Variants in EDAR observed in about 807,000 individuals in gnomAD.
EDAR encodes tumor necrosis factor receptor superfamily member EDAR.
A neutral mutation model predicts 51.3 loss-of-function variants in EDAR; 38 were observed. The observed-to-expected ratio is 0.74, with a 90% CI of 0.57 to 0.97. The LOEUF (loss-of-function observed/expected upper bound fraction) is 0.97. EDAR is among the 50% of genes least tolerant of loss of function. The pLI is 0.00. For missense variants in EDAR, 528 were observed against 595.0 expected (o/e 0.89, Z 1.17); for synonymous variants, 227 against 242.1 (o/e 0.94, Z 0.58).
At chr2:108,959,363 CAGAGA>C (rs1697991632) in intron 1 of EDAR, among the ~76,000 whole-genome samples, 1 of 152,214 alleles carries the variant, frequency 6.6e-6, no homozygotes, top group African/African-American at 2.4e-5. Flanking sequence ...AGACATGCAG[CAGAGA>C]AATCAGAGCT....
At chr2:108,913,824 C>A (rs534632437) in intron 5 of EDAR, among the ~76,000 whole-genome samples, 7 of 151,966 alleles carry the variant, frequency 4.6e-5, no homozygotes, top group African/African-American at 1.7e-4. Context: ...GTGGCAGGCG[C>A]CTGTAGTCCC....
chr2:108,949,699 C>G (rs1202818680), intron 1 of EDAR, among the ~76,000 whole-genome samples: 1 of 152,170 alleles, frequency 6.6e-6, no homozygotes, highest in African/African-American at 2.4e-5. Context: ...ACCAGAGAGG[C>G]CACTGAACCC....
At chr2:108,923,718 G>A (rs1574381546) in intron 4 of EDAR, among the ~76,000 whole-genome samples, 1 of 152,216 alleles carries the variant, frequency 6.6e-6, no homozygotes, top group African/African-American at 2.4e-5. Flanking sequence ...CTCTCTGGTG[G>A]CTGTGTTTAG....
intron 1 of EDAR, among the ~76,000 whole-genome samples, chr2:108,979,467 T>TCA (rs5833308): frequency 1.8e-4 from 27 of 147,224 alleles, no homozygotes; most frequent in Middle Eastern, 3.5e-3. Flanking sequence ...TCTCTCTCTC[T>TCA]CACACACACA....
At chr2:108,904,670 A>G (rs979219205) in intron 11 of EDAR, among the ~76,000 whole-genome samples, 14 of 152,222 alleles carry the variant, frequency 9.2e-5, no homozygotes, top group African/African-American at 3.4e-4. Flanking sequence ...AACAACCTGG[A>G]TGGACCTCCA....
At chr2:108,902,129 C>A (rs956670216) in intron 11 of EDAR, among the ~76,000 whole-genome samples, 7 of 151,754 alleles carry the variant, frequency 4.6e-5, no homozygotes, top group African/African-American at 1.7e-4. Context: ...TCCCAGCTAC[C>A]CAGGAGGCTG....
intron 1 of EDAR, among the ~76,000 whole-genome samples, chr2:108,933,015 G>A (rs892884484): frequency 3.9e-5 from 6 of 152,158 alleles, no homozygotes; most frequent in Admixed American, 2.0e-4. Flanking sequence ...TCCTGGCAGG[G>A]CCTTAAGATG....
chr2:108,985,552 G>A (rs1317456725), intron 1 of EDAR, among the ~76,000 whole-genome samples: 1 of 152,208 alleles, frequency 6.6e-6, no homozygotes, highest in East Asian at 1.9e-4. Context: ...ACATGTGTAC[G>A]TAGGTGTATA....
intron 1 of EDAR, among the ~76,000 whole-genome samples, chr2:108,971,407 T>C (rs1257411887): frequency 6.6e-6 from 1 of 151,774 alleles, no homozygotes. Flanking sequence ...CCCAGGTGAT[T>C]TGCGTGCAAA....
intron 5 of EDAR, among the ~76,000 whole-genome samples, chr2:108,915,914 A>T (rs1377703284): frequency 1.3e-5 from 2 of 152,076 alleles, no homozygotes; most frequent in African/African-American, 4.8e-5. Flanking sequence ...AAAATAAAAA[A>T]TAAATAAAAA....
chr2:108,974,690 A>G (rs1295997314), intron 1 of EDAR, among the ~76,000 whole-genome samples: 1 of 152,132 alleles, frequency 6.6e-6, no homozygotes, highest in Non-Finnish European at 1.5e-5. Flanking sequence ...AGATAGCGCC[A>G]CTGCACTCCA....
chr2:108,945,210 C>G (rs542836232), intron 1 of EDAR, among the ~76,000 whole-genome samples: 1 of 152,192 alleles, frequency 6.6e-6, no homozygotes, highest in Admixed American at 6.5e-5. Context: ...GCGAGCTCCC[C>G]GTCCTGGGGC....
chr2:108,903,507 T>C lies in EDAR; in HGVS notation c.1024+2801A>G, dbSNP rs1696743704. ...AGGACTTATATGTTATTACATAATT[T>C]ATACAAGAATCAAGACCTTGTGGTA... On this transcript the variant is annotated intron_variant, in intron 11 of 11. Transcript: ENST00000258443. 2.0e-5 allele frequency among the ~76,000 whole-genome samples: 3 copies of C among 152,180 alleles called. No individual in the cohort carries two copies. In the South Asian group the frequency reaches 6.2e-4, roughly 31 times the overall value.
At chr2:108,973,659 G>A (rs1481464961) in intron 1 of EDAR, among the ~76,000 whole-genome samples, 1 of 152,190 alleles carries the variant, frequency 6.6e-6, no homozygotes, top group African/African-American at 2.4e-5. Context: ...CAGGGGTCGT[G>A]TGTCCTAGAA....
chr2:108,906,081 A>T (rs1192892026), intron 11 of EDAR, among the ~76,000 whole-genome samples: 1 of 149,404 alleles, frequency 6.7e-6, no homozygotes, highest in African/African-American at 2.6e-5. Flanking sequence ...CTCCCGCCCC[A>T]TGAGGGGAAG....
chr2:108,987,918 A>G (rs992276060), intron 1 of EDAR, among the ~76,000 whole-genome samples: 2 of 152,156 alleles, frequency 1.3e-5, no homozygotes, highest in Non-Finnish European at 2.9e-5. Context: ...AACATTCTCT[A>G]TTTTAGATGC....
intron 2 of EDAR, among the ~76,000 whole-genome samples, 166 bp downstream of exon 2, chr2:108,930,798 G>T (rs1697353284): frequency 2.0e-5 from 3 of 152,220 alleles, no homozygotes. Context: ...TCAGCCTGGG[G>T]CAGAGTTCTG....
Position 108,985,736 on chromosome 2 carries a change from G to T in EDAR, c.-19+3224C>A, listed in dbSNP as rs1046641087. ...GGTGTCTCTGCCCCCAGAGAGGGTA[G>T]CTTTGCTAACTAGGATTTGTTTGCT... On this transcript the variant is annotated intron_variant, in intron 1 of 11. Coordinates refer to ENST00000258443, the MANE Select transcript of EDAR (RefSeq NM_022336.4). 5.3e-5 allele frequency among the ~76,000 whole-genome samples: 8 copies of T among 152,312 alleles called. No homozygotes were observed. The East Asian group carries it at 1.4e-3, about 26-fold the overall frequency.
intron 11 of EDAR, 95 bp downstream of exon 11, chr2:108,906,213 C>A: frequency 7.4e-7 from 1 of 1,346,760 alleles, no homozygotes; most frequent in South Asian, 1.2e-5. Context: ...GGCGGCTTCC[C>A]TCAGTTCCCC....
Sources: gnomAD v4.1 joint callset for allele counts (sites outside exome capture counted in the v4.1 genomes callset) on GRCh38, gnomAD v4.1.1 for gene constraint, MANE v1.5 for transcripts, NCBI Gene and HGNC (gene_info 2026-07-23, HGNC 2026-07-21) for gene names.